Variants in PPARGC1A observed in about 807,000 individuals in gnomAD.
PPARGC1A encodes the protein peroxisome proliferator-activated receptor gamma coactivator 1-alpha.
Under a neutral mutation model 88.7 loss-of-function variants are expected in PPARGC1A, and 25 were observed. The observed-to-expected ratio is 0.28, with a 90% CI of 0.21 to 0.39. The LOEUF (loss-of-function observed/expected upper bound fraction) is 0.39. PPARGC1A is among the 10% of genes least tolerant of loss of function. The probability of loss-of-function intolerance (pLI) is 1.00; values close to 1 mark genes in which losing one functional copy is unlikely to be tolerated. For synonymous variants in PPARGC1A, 363 were observed against 355.6 expected (o/e 1.02, Z -0.24); for missense variants, 880 against 968.7 (o/e 0.91, Z 1.22).
chr4:23,880,322 G>A (rs1715671275), intron 2 of PPARGC1A, among the ~76,000 whole-genome samples: 1 of 152,064 alleles, frequency 6.6e-6, no homozygotes, highest in South Asian at 2.1e-4. Flanking sequence ...GCCTTCTTTT[G>A]TGCTTTGTAT....
At chr4:23,874,038 A>G (rs1297332677) in intron 2 of PPARGC1A, among the ~76,000 whole-genome samples, 2 of 152,194 alleles carry the variant, frequency 1.3e-5, no homozygotes, top group African/African-American at 2.4e-5. Context: ...AGGAAATGCT[A>G]CCTCCTCACT....
the PPARGC1A span, among the ~76,000 whole-genome samples, chr4:24,353,703 A>G: frequency 6.6e-6 from 1 of 152,292 alleles, no homozygotes; most frequent in South Asian, 2.1e-4. Flanking sequence ...AGCACCATTA[A>G]TGTTCATTAA....
At chr4:24,218,448 G>A in the PPARGC1A span, among the ~76,000 whole-genome samples, 21 of 152,312 alleles carry the variant, frequency 1.4e-4, no homozygotes, top group Non-Finnish European at 2.6e-4. Context: ...ACTAGCAGGT[G>A]GATGAGGCAG....
At chr4:23,911,633 T>C in the PPARGC1A span, among the ~76,000 whole-genome samples, 1 of 152,172 alleles carries the variant, frequency 6.6e-6, no homozygotes, top group African/African-American at 2.4e-5. Context: ...AAATTATAAT[T>C]AGTCAATAAC....
the PPARGC1A span, among the ~76,000 whole-genome samples, chr4:24,105,404 C>G: frequency 6.6e-6 from 1 of 152,044 alleles, no homozygotes; most frequent in Non-Finnish European, 1.5e-5. Flanking sequence ...ATTTTCCAAC[C>G]TAAGGTAAGA....
At chr4:24,297,991 A>G in the PPARGC1A span, among the ~76,000 whole-genome samples, 3 of 152,196 alleles carry the variant, frequency 2.0e-5, no homozygotes, top group Non-Finnish European at 2.9e-5. Flanking sequence ...GGCTGCAGAA[A>G]GAACAGGAAC....
the PPARGC1A span, among the ~76,000 whole-genome samples, chr4:24,195,919 G>A: frequency 6.6e-6 from 1 of 152,122 alleles, no homozygotes; most frequent in Non-Finnish European, 1.5e-5. Flanking sequence ...GAGCATCAAG[G>A]GCCACAAGAG....
At chr4:24,244,611 G>C in the PPARGC1A span, among the ~76,000 whole-genome samples, 1 of 152,092 alleles carries the variant, frequency 6.6e-6, no homozygotes, top group African/African-American at 2.4e-5. Flanking sequence ...CATTAACAAA[G>C]ACCCAGCAAG....
the PPARGC1A span, among the ~76,000 whole-genome samples, chr4:24,148,415 A>G: frequency 1.3e-5 from 2 of 152,024 alleles, no homozygotes; most frequent in African/African-American, 2.4e-5. Context: ...CCTCTTATGA[A>G]CTCAGTCATG....
At chr4:24,002,733 C>T in the PPARGC1A span, among the ~76,000 whole-genome samples, 2 of 151,832 alleles carry the variant, frequency 1.3e-5, no homozygotes, top group Admixed American at 1.3e-4. Flanking sequence ...AGATAAAGGA[C>T]CAGAAAATGC....
the PPARGC1A span, among the ~76,000 whole-genome samples, chr4:24,102,734 C>A: frequency 3.3e-5 from 5 of 152,228 alleles, no homozygotes; most frequent in East Asian, 7.7e-4. Flanking sequence ...ATCTTCCTGG[C>A]AGGGATTGTG....
intron 2 of PPARGC1A, among the ~76,000 whole-genome samples, chr4:23,844,764 A>AATAATATATGATATATATT (rs1560428829): frequency 0.014 from 643 of 45,610 alleles, 44 homozygotes; most frequent in African/African-American, 0.067. Flanking sequence ...TATATATTAT[A>AATAATATATGATATATATT]ATAATATATG....
chr4:24,197,184 G>A, the PPARGC1A span, among the ~76,000 whole-genome samples: 1 of 152,256 alleles, frequency 6.6e-6, no homozygotes, highest in African/African-American at 2.4e-5. Flanking sequence ...CAAGAAGGGG[G>A]GATCAAGGAG....
At chr4:23,843,786 T>C (rs1213224978) in intron 2 of PPARGC1A, among the ~76,000 whole-genome samples, 2 of 151,976 alleles carry the variant, frequency 1.3e-5, no homozygotes, top group Admixed American at 6.6e-5. Flanking sequence ...ACAGGCATGG[T>C]TTGACATGAT....
chr4:23,967,390 C>A, the PPARGC1A span, among the ~76,000 whole-genome samples: 2,885 of 152,214 alleles, frequency 0.019, 84 homozygotes, highest in African/African-American at 0.067. Flanking sequence ...GATTATCGAC[C>A]AAATTGGCTG....
At chr4:23,829,431 T>TC in intron 4 of PPARGC1A, 32 bp downstream of exon 4, 1 of 1,607,376 alleles carries the variant, frequency 6.2e-7, no homozygotes, top group South Asian at 1.1e-5. Context: ...CTTTGGTACA[T>TC]CCCCCCTGTA....
chr4:24,033,410 GACACACACAC>G, the PPARGC1A span, among the ~76,000 whole-genome samples: 13 of 150,836 alleles, frequency 8.6e-5, no homozygotes, highest in Non-Finnish European at 1.8e-4. Context: ...TAGACAGACA[GACACACACAC>G]ACACACACAC....
At chr4:23,946,481 C>T in the PPARGC1A span, among the ~76,000 whole-genome samples, 1 of 152,072 alleles carries the variant, frequency 6.6e-6, no homozygotes. Context: ...TGGCCTCGCG[C>T]TGCTACAAAT....
chr4:23,829,343 T>A, intron 4 of PPARGC1A, 120 bp downstream of exon 4: 1 of 1,061,602 alleles, frequency 9.4e-7, no homozygotes, highest in Non-Finnish European at 1.4e-6. Flanking sequence ...ATCTATTTCA[T>A]CATTATGAGG....
Sources: allele counts gnomAD v4.1 joint callset (sites outside exome capture counted in the v4.1 genomes callset), GRCh38; gene constraint gnomAD v4.1.1; transcripts MANE v1.5; gene names NCBI Gene and HGNC (gene_info 2026-07-23, HGNC 2026-07-21).